PCDH15: variants seen among roughly 807,000 people sequenced by gnomAD.
PCDH15 encodes protocadherin related 15, also known as protocadherin-15.
A neutral mutation model predicts 178.5 loss-of-function variants in PCDH15; 129 were observed. That is an observed-to-expected ratio of 0.72 (90% CI 0.63 to 0.84). The LOEUF (loss-of-function observed/expected upper bound fraction) is 0.84. Among genes scored for constraint, PCDH15 ranks in the 40% least tolerant of loss-of-function variants. The pLI, the probability that PCDH15 is intolerant of heterozygous loss-of-function variation, is 0.00. For missense variants in PCDH15, 2,230 were observed against 2,099.9 expected (o/e 1.06, Z -1.21); for synonymous variants, 800 against 732.0 (o/e 1.09, Z -1.50).
chr10:54,353,926 A>T (rs1944558033), intron 5 of PCDH15, among the ~76,000 whole-genome samples: 1 of 152,204 alleles, frequency 6.6e-6, no homozygotes, highest in Non-Finnish European at 1.5e-5. Flanking sequence ...TCTTTACTAA[A>T]AACTGAGGAG....
chr10:55,247,362 G>T (rs190245902), intron 1 of PCDH15, among the ~76,000 whole-genome samples: 1 of 152,022 alleles, frequency 6.6e-6, no homozygotes, highest in Non-Finnish European at 1.5e-5. Flanking sequence ...GAAGTAAATG[G>T]CCTAGTCAAA....
chr10:53,982,836 TA>T (rs140874763), intron 21 of PCDH15, among the ~76,000 whole-genome samples: 1 of 151,362 alleles, frequency 6.6e-6, no homozygotes, highest in African/African-American at 2.4e-5. Context: ...TAAAAAAATA[TA>T]AAAAAAGAAA....
intron 2 of PCDH15, among the ~76,000 whole-genome samples, chr10:55,486,033 T>G (rs1406402630): frequency 6.6e-6 from 1 of 151,760 alleles, no homozygotes; most frequent in Non-Finnish European, 1.5e-5. Context: ...GAATTAAGTG[T>G]GTGCTTTGCA....
chr10:54,527,318 T>C (rs912981771), intron 3 of PCDH15, among the ~76,000 whole-genome samples: 1 of 152,164 alleles, frequency 6.6e-6, no homozygotes, highest in Non-Finnish European at 1.5e-5. Flanking sequence ...CTTTCTCTGC[T>C]CTTGGCCTTA....
At chr10:54,094,025 G>A (rs1472376049) in intron 15 of PCDH15, among the ~76,000 whole-genome samples, 9 of 152,070 alleles carry the variant, frequency 5.9e-5, no homozygotes, top group African/African-American at 2.2e-4. Context: ...TATCTTTCTG[G>A]GGCTTATTTT....
chr10:54,728,267 T>G (rs954983901), intron 1 of PCDH15, among the ~76,000 whole-genome samples: 1 of 151,346 alleles, frequency 6.6e-6, no homozygotes, highest in Non-Finnish European at 1.5e-5. Context: ...GGATGCAAGG[T>G]TAGTTCCACA....
chr10:54,656,051 C>T (rs750827424), intron 2 of PCDH15: 9 of 152,146 alleles, frequency 5.9e-5, no homozygotes, highest in Non-Finnish European at 1.3e-4. Flanking sequence ...TGCCATCTAA[C>T]GAAAACAATG....
At chr10:55,309,931 T>C (rs1843536979) in intron 1 of PCDH15, among the ~76,000 whole-genome samples, 1 of 152,160 alleles carries the variant, frequency 6.6e-6, no homozygotes, top group Admixed American at 6.5e-5. Flanking sequence ...ATTTTGATGC[T>C]CTTTCTCTAT....
chr10:53,911,665 GT>G (rs1564748440), intron 25 of PCDH15, among the ~76,000 whole-genome samples: 1 of 152,166 alleles, frequency 6.6e-6, no homozygotes, highest in African/African-American at 2.4e-5. Context: ...CCAGGAGCTG[GT>G]TTTTTGAAAA....
chr10:54,685,928 C>T (rs768007741), intron 1 of PCDH15, among the ~76,000 whole-genome samples: 14 of 151,906 alleles, frequency 9.2e-5, no homozygotes, highest in South Asian at 2.1e-4. Flanking sequence ...TGTAAGTTGG[C>T]GACTCTCTGT....
intron 3 of PCDH15, among the ~76,000 whole-genome samples, chr10:54,472,918 A>AT (rs1469932688): frequency 6.6e-6 from 1 of 152,100 alleles, no homozygotes; most frequent in Non-Finnish European, 1.5e-5. Flanking sequence ...GAAAAGAGTT[A>AT]TTTTTTAAAA....
At chr10:54,940,361 GTTT>G (rs960827838) in intron 2 of PCDH15, among the ~76,000 whole-genome samples, 1 of 151,852 alleles carries the variant, frequency 6.6e-6, no homozygotes, top group African/African-American at 2.4e-5. Flanking sequence ...TCTGTTGTTC[GTTT>G]TTTATTTAGT....
At chr10:54,906,088 A>T (rs188501475) in intron 2 of PCDH15, among the ~76,000 whole-genome samples, 107 of 152,220 alleles carry the variant, frequency 7.0e-4, no homozygotes, top group Non-Finnish European at 1.2e-3. Flanking sequence ...TCCTTCAGGC[A>T]TTAAACTGCT....
At chr10:54,747,834 C>T (rs1364598972) in intron 1 of PCDH15, among the ~76,000 whole-genome samples, 7 of 128,078 alleles carry the variant, frequency 5.5e-5, no homozygotes, top group African/African-American at 2.2e-4. Flanking sequence ...GAGACGGAGT[C>T]TCGCTCTGTA....
At chr10:54,714,734 C>A (rs2132408013) in intron 1 of PCDH15, among the ~76,000 whole-genome samples, 1 of 152,198 alleles carries the variant, frequency 6.6e-6, no homozygotes, top group African/African-American at 2.4e-5. Context: ...CAAGACCATC[C>A]ATTTGATATA....
intron 2 of PCDH15, among the ~76,000 whole-genome samples, chr10:55,515,138 G>A (rs1463621890): frequency 2.0e-5 from 3 of 151,704 alleles, no homozygotes; most frequent in South Asian, 2.1e-4. Context: ...ACAGAAGCTC[G>A]CCACCACACC....
At chr10:53,910,869 C>T (rs746553452) in intron 25 of PCDH15, among the ~76,000 whole-genome samples, 2 of 152,052 alleles carry the variant, frequency 1.3e-5, no homozygotes, top group Non-Finnish European at 2.9e-5. Context: ...GACACATGAA[C>T]AAGCTTCAAT....
At chr10:55,231,807 T>C (rs537580269) in intron 1 of PCDH15, among the ~76,000 whole-genome samples, 1 of 152,102 alleles carries the variant, frequency 6.6e-6, no homozygotes, top group South Asian at 2.1e-4. Context: ...AATAAATAAA[T>C]CTTAAATTAC....
chr10:55,598,358 G>A (rs1300875724), intron 2 of PCDH15, among the ~76,000 whole-genome samples: 12 of 151,178 alleles, frequency 7.9e-5, no homozygotes, highest in Admixed American at 7.9e-4. Flanking sequence ...TAACAAGACT[G>A]TTCGCCAGAG....
Sources: gnomAD v4.1 joint callset for allele counts (sites outside exome capture counted in the v4.1 genomes callset) on GRCh38, gnomAD v4.1.1 for gene constraint, MANE v1.5 for transcripts, NCBI Gene and HGNC (gene_info 2026-07-23, HGNC 2026-07-21) for gene names.